NAV2: variants seen among roughly 807,000 people sequenced by gnomAD.
NAV2 encodes the protein neuron navigator 2, also known as helicase, APC down-regulated 1.
NAV2 carries 54 observed loss-of-function variants against 223.2 expected under a neutral mutation model. The observed-to-expected ratio is 0.24, with a 90% CI of 0.19 to 0.30. The LOEUF (loss-of-function observed/expected upper bound fraction) is 0.30. Among genes scored for constraint, NAV2 ranks in the 10% least tolerant of loss-of-function variants. NAV2 has a pLI of 1.00. For synonymous variants in NAV2, 1,279 were observed against 1,239.3 expected (o/e 1.03, Z -0.67); for missense variants, 2,806 against 3,147.5 (o/e 0.89, Z 2.60).
At chr11:19,446,193 T>C (rs953570659) in intron 1 of NAV2, among the ~76,000 whole-genome samples, 2 of 152,180 alleles carry the variant, frequency 1.3e-5, no homozygotes, top group Admixed American at 1.3e-4. Flanking sequence ...CAGACTAAGG[T>C]AATGAAAGTG....
intron 5 of NAV2, among the ~76,000 whole-genome samples, chr11:19,883,591 C>G (rs1427676408): frequency 3.3e-5 from 5 of 152,162 alleles, no homozygotes; most frequent in Non-Finnish European, 7.3e-5. Flanking sequence ...ACTAGTAAAA[C>G]CAATAAATTA....
chr11:20,083,323 T>C, intron 26 of NAV2, 144 bp downstream of exon 26: 2 of 632,872 alleles, frequency 3.2e-6, no homozygotes, highest in Admixed American at 6.4e-5. Flanking sequence ...GTTCTTTCAA[T>C]GCTTTAGGAC....
intron 14 of NAV2, among the ~76,000 whole-genome samples, chr11:20,047,151 T>C (rs531800388): frequency 7.2e-5 from 11 of 152,372 alleles, no homozygotes; most frequent in African/African-American, 2.6e-4. Flanking sequence ...TCTCTGTTTC[T>C]TGCCTCAAGT....
At chr11:19,685,175 C>A (rs138248595) in intron 1 of NAV2, among the ~76,000 whole-genome samples, 1 of 152,314 alleles carries the variant, frequency 6.6e-6, no homozygotes, top group South Asian at 2.1e-4. Context: ...CCACAGACTG[C>A]TTAGCTAGGC....
At position 19,713,651 on chromosome 11, in the gene NAV2, G is replaced by T. The variant is rs769630573; in HGVS notation, c.-45G>T. ...GCTGCCTTTAGCGGTCGCCCCCGCC[G>T]CCGCTGCCAGGGACGTGCTGGGAAA... On this transcript the variant is annotated 5_prime_UTR_variant, in exon 1 of 38. Transcript: ENST00000349880. The surrounding 1 kb of genome is among the most constrained non-coding windows in gnomAD (Gnocchi z 7.2). The T allele has an allele frequency of 1.3e-6, 2 of 1,494,626 alleles. No individual in the cohort carries two copies. Among genetic ancestry groups the T allele is most frequent in the East Asian group, 2.4e-5 (1 of 42,088 alleles). 92.6% of individuals were successfully genotyped at this position (1,494,626 alleles called of 1,614,324 possible).
chr11:19,576,587 C>G (rs2045577669), intron 1 of NAV2, among the ~76,000 whole-genome samples: 1 of 152,102 alleles, frequency 6.6e-6, no homozygotes, highest in Non-Finnish European at 1.5e-5. Flanking sequence ...TTAATTTATG[C>G]AAATACATGA....
At chr11:20,068,923 G>A (rs991837074) in intron 22 of NAV2, among the ~76,000 whole-genome samples, 4 of 152,192 alleles carry the variant, frequency 2.6e-5, no homozygotes, top group Non-Finnish European at 5.9e-5. Context: ...CAACAGCAGA[G>A]CAAGCACAGT....
At chr11:19,810,834 A>C (rs981220610) in intron 1 of NAV2, among the ~76,000 whole-genome samples, 3 of 152,200 alleles carry the variant, frequency 2.0e-5, no homozygotes, top group Non-Finnish European at 2.9e-5. Context: ...AACTCTCCCA[A>C]TATAGGCTGT....
intron 1 of NAV2, among the ~76,000 whole-genome samples, chr11:19,570,664 G>A (rs1330392634): frequency 6.6e-6 from 1 of 152,154 alleles, no homozygotes; most frequent in East Asian, 1.9e-4. Context: ...TATACAAATA[G>A]CCCAGAAGCA....
At chr11:19,875,077 A>AC (rs1490248017) in intron 4 of NAV2, among the ~76,000 whole-genome samples, 1 of 152,160 alleles carries the variant, frequency 6.6e-6, no homozygotes, top group Admixed American at 6.5e-5. Flanking sequence ...GAATCACTTG[A>AC]ATCCAGGAGG....
At chr11:19,368,593 T>C (rs1298856672) in intron 1 of NAV2, among the ~76,000 whole-genome samples, 1 of 152,198 alleles carries the variant, frequency 6.6e-6, no homozygotes, top group African/African-American at 2.4e-5. Context: ...GATGAGGTCA[T>C]ATTTGTGAAA....
intron 11 of NAV2, among the ~76,000 whole-genome samples, chr11:19,993,444 T>C (rs2153470508): frequency 6.6e-6 from 1 of 152,328 alleles, no homozygotes; most frequent in South Asian, 2.1e-4. Flanking sequence ...ATGGCTACAC[T>C]TAAATTCAAA....
rs144446371 is a variant in NAV2, at chr11:20,045,282, G to A, written c.3514G>A (p.Ala1172Thr). Residue 1172 changes from alanine to threonine, a missense_variant, in exon 14 of 38, where the codon GCT becomes ACT. By Grantham distance (58) the Ala-to-Thr change is moderately conservative. Coordinates refer to ENST00000349880, the MANE Select transcript of NAV2 (RefSeq NM_145117.5). ...TGGTCGGAAGTCAAGTATGGATGGG[G>A]CTCAGAATCAGGATGACGGGTATCT... The part of the protein sequence containing the change: ...SAGRKSSMDG[A>T]QNQDDGYLAL... 7.0e-4 allele frequency: 1,135 copies of A among 1,614,184 alleles called. 9 individuals carry two copies. In the African/African-American group the frequency reaches 0.013, roughly 19 times the overall value.
Position 19,948,865 on chromosome 11 carries a change from C to A in NAV2, c.2430C>A (p.Ala810=). Residue 810 remains alanine, a synonymous_variant, in exon 10 of 38, where the codon GCC becomes GCA. Coordinates refer to ENST00000349880, the MANE Select transcript of NAV2 (RefSeq NM_145117.5). ...ATGGGTATCCCCCTCGAGCCAACGCCAGCAGGTTCATCAACACTGAGTCAG... is the reference window on the plus strand; with the variant it reads ...ATGGGTATCCCCCTCGAGCCAACGCAAGCAGGTTCATCAACACTGAGTCAG... ...MGNGYPPRAN[A]SRFINTESGR... The A allele has an allele frequency of 6.2e-7, 1 of 1,614,124 alleles. No homozygotes were observed. Among genetic ancestry groups the A allele is most frequent in the Middle Eastern group, 1.6e-4 (1 of 6,062 alleles).
intron 4 of NAV2, among the ~76,000 whole-genome samples, chr11:19,876,463 A>G (rs1223335453): frequency 2.0e-5 from 3 of 152,218 alleles, no homozygotes; most frequent in Non-Finnish European, 4.4e-5. Context: ...TGTATAAACG[A>G]TGGACTGTAG....
chr11:19,470,521 T>A (rs1209412377), intron 1 of NAV2, among the ~76,000 whole-genome samples: 1 of 152,228 alleles, frequency 6.6e-6, no homozygotes, highest in Non-Finnish European at 1.5e-5. Flanking sequence ...AGAGAGACTG[T>A]GAGCCAAACT....
intron 6 of NAV2, among the ~76,000 whole-genome samples, chr11:19,922,524 C>G (rs1041881770): frequency 6.6e-6 from 1 of 152,134 alleles, no homozygotes; most frequent in Non-Finnish European, 1.5e-5. Flanking sequence ...TTACAGTCAC[C>G]TGGGGAGCTA....
intron 1 of NAV2, among the ~76,000 whole-genome samples, chr11:19,609,159 A>G (rs184955460): frequency 6.6e-6 from 1 of 152,202 alleles, no homozygotes; most frequent in Non-Finnish European, 1.5e-5. Context: ...ACATCTCTAG[A>G]TGGCACGATT....
rs1490282394 is a variant in NAV2 at position 20,118,345 on chromosome 11, C to CCAGCCCCCAGCCACAGCCTTAGAGCTG, written c.*89_*115dup. On this transcript the variant is annotated 3_prime_UTR_variant, in exon 38 of 38. Coordinates refer to ENST00000349880, the MANE Select transcript of NAV2 (RefSeq NM_145117.5). ...ATCACCCTGAAGATGACTTCCTGAG[C>CCAGCCCCCAGCCACAGCCTTAGAGCTG]CAGCCCCCAGCCACAGCCTTAGAGC... The CCAGCCCCCAGCCACAGCCTTAGAGCTG allele has an allele frequency of 4.1e-6, 6 of 1,467,858 alleles. No homozygotes were observed. The African/African-American group carries it at 8.3e-5, about 20-fold the overall frequency. 90.9% of individuals were successfully genotyped at this position (1,467,858 alleles called of 1,614,324 possible).
Sources: allele counts gnomAD v4.1 joint callset (sites outside exome capture counted in the v4.1 genomes callset), GRCh38; gene constraint gnomAD v4.1.1; non-coding constraint Gnocchi (gnomAD v3.1); transcripts MANE v1.5; gene names NCBI Gene and HGNC (gene_info 2026-07-23, HGNC 2026-07-21).